Variants in INTS8 observed in about 807,000 individuals in gnomAD.
The protein encoded by INTS8 is protein kaonashi-1.
Under a neutral mutation model 138.9 loss-of-function variants are expected in INTS8, and 47 were observed. That is an observed-to-expected ratio of 0.34 (90% confidence interval 0.27 to 0.43). The LOEUF is 0.43. Ranked by LOEUF, INTS8 falls within the 20% of genes least tolerant of loss-of-function variation. The probability of loss-of-function intolerance (pLI) is 1.00; values close to 1 mark genes in which losing one functional copy is unlikely to be tolerated. For synonymous variants in INTS8, 392 were observed against 400.9 expected (o/e 0.98, Z 0.27); for missense variants, 996 against 1,173.0 (o/e 0.85, Z 2.20).
chr8:94,874,805 C>T (rs574493893), intron 23 of INTS8, among the ~76,000 whole-genome samples: 60 of 151,966 alleles, frequency 3.9e-4, no homozygotes, highest in Admixed American at 6.6e-4. Flanking sequence ...AAAACATTGA[C>T]CTTTAAACCT....
At position 94,846,963 on chromosome 8, in the gene INTS8, A is replaced by T. The variant is rs181337396; in HGVS notation, c.1261-2499A>T. ...CCAACTAGGTCATGATCGTTTTTTA[A>T]TAGAAATTGCTGAACTTGGTTTGCC... On this transcript the variant is annotated intron_variant, in intron 10 of 26. Transcript: ENST00000523731. Among the ~76,000 whole-genome samples the T allele has an allele frequency of 3.1e-4, 47 of 152,362 alleles. 2 individuals are homozygous for T. Among genetic ancestry groups the T allele is most frequent in the Admixed American group, 2.8e-3 (43 of 15,306 alleles).
Position 94,853,815 on chromosome 8 carries a change from C to T in INTS8, c.1652C>T (p.Pro551Leu), listed in dbSNP as rs1476970612. Residue 551 changes from proline (P) to leucine (L), a missense_variant, in exon 14 of 27, where the codon CCT becomes CTT. Physicochemically the swap from Pro to Leu is moderately conservative, Grantham distance 98. Transcript: ENST00000523731. ...TTTTGTTTCTTTTAGTGGGAAGTAC[C>T]TTCTGTCTATAGTGGTGTTATCCTG... ...FWTVSNKWEV[P>L]SVYSGVILGI... is the part of the protein sequence containing the mutation. 1 of 1,598,610 alleles carries T rather than the reference C, an allele frequency of 6.3e-7. No homozygotes were observed. Among genetic ancestry groups the T allele is most frequent in the South Asian group, 1.1e-5 (1 of 90,750 alleles).
intron 10 of INTS8, among the ~76,000 whole-genome samples, chr8:94,846,941 A>G (rs968389718): frequency 6.6e-6 from 1 of 152,246 alleles, no homozygotes; most frequent in Non-Finnish European, 1.5e-5. Flanking sequence ...AATAGACCCA[A>G]CTAGGTCATG....
At chr8:94,833,757 C>A (rs977929666) in intron 6 of INTS8, among the ~76,000 whole-genome samples, 1 of 152,158 alleles carries the variant, frequency 6.6e-6, no homozygotes, top group Admixed American at 6.6e-5. Flanking sequence ...TGGTAACACT[C>A]ATTTCCTGGC....
chr8:94,874,396 G>A (rs11783522), intron 22 of INTS8, among the ~76,000 whole-genome samples, 156 bp from the exon 23 acceptor site: 25,011 of 151,980 alleles, frequency 0.16, 2,176 homozygotes, highest in Middle Eastern at 0.26. Context: ...GCACTTTTAA[G>A]TTCACAGCAA....
chr8:94,873,538 C>T, intron 22 of INTS8, 61 bp downstream of exon 22: 2 of 1,078,080 alleles, frequency 1.9e-6, no homozygotes, highest in Non-Finnish European at 2.9e-6. Context: ...TTCCTGGGTC[C>T]CCTTTTGGCT....
rs530026210 is a variant in INTS8, at chr8:94,880,572, T to C, written c.*338T>C. The C allele has an allele frequency of 3.2e-4, 103 of 323,682 alleles. No homozygotes were observed. The highest frequency in any genetic ancestry group is 2.0e-3 in the African/African-American group (94 of 47,368). The allele number at this position is 323,682 out of a possible 1,614,324, so 20.1% of individuals were successfully genotyped here. On this transcript the variant is annotated 3_prime_UTR_variant, in exon 27 of 27. Transcript: ENST00000523731. Reference sequence around the variant, plus strand: ...TAGCTAGCCTATGTACAGCAAGTTTTCATGTCTTTTTTTAATAAATAGATT... The same window carrying C: ...TAGCTAGCCTATGTACAGCAAGTTTCCATGTCTTTTTTTAATAAATAGATT...
chr8:94,878,754 TA>T (rs925050805), intron 26 of INTS8, among the ~76,000 whole-genome samples: 13 of 152,332 alleles, frequency 8.5e-5, no homozygotes, highest in Non-Finnish European at 1.8e-4. Flanking sequence ...TCACTGCTCT[TA>T]CTTTTCTCTC....
At chr8:94,843,707 G>C (rs960545541) in intron 10 of INTS8, among the ~76,000 whole-genome samples, 8 of 151,074 alleles carry the variant, frequency 5.3e-5, no homozygotes, top group Non-Finnish European at 1.2e-4. Flanking sequence ...AGTTTTTGCC[G>C]CTTGGAACAT....
chr8:94,844,427 C>T (rs1224097026), intron 10 of INTS8, among the ~76,000 whole-genome samples: 21 of 152,286 alleles, frequency 1.4e-4, no homozygotes, highest in Middle Eastern at 6.8e-3. Flanking sequence ...AGTGATTCTC[C>T]GGCCTCAGCC....
At position 94,867,147 on chromosome 8, in the gene INTS8, T is replaced by G. The variant is rs755830705; in HGVS notation, c.2303T>G (p.Leu768Arg). The G allele has an allele frequency of 1.7e-5, 28 of 1,607,924 alleles. No homozygotes were observed. The highest frequency in any genetic ancestry group is 2.2e-5 in the Non-Finnish European group (26 of 1,176,144). Residue 768 changes from leucine to arginine, a missense_variant, in exon 19 of 27, where the codon CTC (leucine) becomes CGC (arginine). Coordinates refer to ENST00000523731, the MANE Select transcript of INTS8 (RefSeq NM_017864.4). Reference sequence around the variant, plus strand: ...GTGTTTTCTTTCTCATAGGAACCACTCGTTTTGACTATTATTTTATCACTC... The same window carrying G: ...GTGTTTTCTTTCTCATAGGAACCACGCGTTTTGACTATTATTTTATCACTC... ...LSFIKKLREPLVLTIILSLFV... is the reference protein window; with the variant it reads ...LSFIKKLREPRVLTIILSLFV...
intron 14 of INTS8, among the ~76,000 whole-genome samples, chr8:94,854,205 C>CG (rs1250783289): frequency 2.2e-5 from 3 of 135,072 alleles, no homozygotes; most frequent in Non-Finnish European, 3.1e-5. Flanking sequence ...TAGTCCATCT[C>CG]GGAAAAAAAA....
chr8:94,842,875 G>T (rs1481821156), intron 10 of INTS8, among the ~76,000 whole-genome samples: 2 of 152,122 alleles, frequency 1.3e-5, no homozygotes, highest in African/African-American at 2.4e-5. Flanking sequence ...TGTCATGTGT[G>T]CTGTGGAATC....
chr8:94,871,780 G>T, intron 20 of INTS8, 104 bp from the exon 21 acceptor site: 1 of 712,770 alleles, frequency 1.4e-6, no homozygotes, highest in South Asian at 1.6e-5. Context: ...TTATATTTAT[G>T]TTCACCTAAA....
intron 14 of INTS8, among the ~76,000 whole-genome samples, chr8:94,856,383 T>G (rs1349154389): frequency 2.6e-5 from 4 of 152,196 alleles, no homozygotes; most frequent in Non-Finnish European, 5.9e-5. Flanking sequence ...TTTTATCGTC[T>G]AGTACGGTGG....
intron 16 of INTS8, among the ~76,000 whole-genome samples, chr8:94,861,013 C>T (rs554904476): frequency 7.6e-4 from 111 of 146,180 alleles, no homozygotes; most frequent in African/African-American, 2.7e-3. Flanking sequence ...GCCGAGATGG[C>T]GCCACTGCAC....
chr8:94,853,982 C>T lies in INTS8; in HGVS notation c.1752+67C>T, dbSNP rs150564096. On this transcript the variant is annotated intron_variant, in intron 14 of 26. Coordinates refer to ENST00000523731, the MANE Select transcript of INTS8 (RefSeq NM_017864.4). ...TTATGGTCAGGTGCCGTGGCTCATACCTGTAATACCAGCACTTTGGGAGTC... is the reference window on the plus strand; with the variant it reads ...TTATGGTCAGGTGCCGTGGCTCATATCTGTAATACCAGCACTTTGGGAGTC... 34 of 944,246 alleles carry T rather than the reference C, an allele frequency of 3.6e-5. No individual in the cohort carries two copies. The East Asian group carries it at 6.9e-4, about 19-fold the overall frequency. The allele number at this position is 944,246 out of a possible 1,614,324, so 58.5% of individuals were successfully genotyped here.
intron 10 of INTS8, among the ~76,000 whole-genome samples, chr8:94,849,151 A>G (rs922276287): frequency 2.0e-5 from 3 of 152,002 alleles, no homozygotes; most frequent in Admixed American, 2.0e-4. Flanking sequence ...ACTGATTTCT[A>G]TGGTTTATCA....
chr8:94,844,585 G>C (rs1815261555), intron 10 of INTS8, among the ~76,000 whole-genome samples: 1 of 152,082 alleles, frequency 6.6e-6, no homozygotes, highest in South Asian at 2.1e-4. Flanking sequence ...CCAAAGTCCT[G>C]GGATTACAGG....
Sources: gnomAD v4.1 joint callset for allele counts (sites outside exome capture counted in the v4.1 genomes callset) on GRCh38, gnomAD v4.1.1 for gene constraint, MANE v1.5 for transcripts, NCBI Gene and HGNC (gene_info 2026-07-23, HGNC 2026-07-21) for gene names.